The following RECQL4 variants were observed in gnomAD, a reference collection of about 807,000 sequenced individuals.
The protein encoded by RECQL4 is RecQ like helicase 4.
Under a neutral mutation model 128.6 loss-of-function variants are expected in RECQL4, and 158 were observed. The ratio of observed to expected loss-of-function variants is 1.23; its 90% CI spans 1.08 to 1.40. The LOEUF (loss-of-function observed/expected upper bound fraction) is 1.40, where lower values mean the gene tolerates loss of function less well. RECQL4 is among the 40% of genes most tolerant of loss of function. The probability of loss-of-function intolerance (pLI) is 0.00; values close to 1 mark genes in which losing one functional copy is unlikely to be tolerated. For synonymous variants in RECQL4, 996 were observed against 678.9 expected (o/e 1.47, Z -7.26); for missense variants, 2,293 against 1,649.8 (o/e 1.39, Z -6.75).
At chr8:144,512,597 C>T (rs1204516136) in intron 16 of RECQL4, 36 bp from the exon 17 acceptor site, 1 of 1,612,050 alleles carries the variant, frequency 6.2e-7, no homozygotes, top group Non-Finnish European at 8.5e-7. Context: ...TGGCCAACAG[C>T]CCTGATTCTC....
At position 144,513,326 on chromosome 8, in the gene RECQL4, A is replaced by G. The variant is rs1554898259; in HGVS notation, c.2355T>C (p.Ala785=). The G allele has an allele frequency of 1.9e-6, 3 of 1,603,076 alleles. No homozygotes were observed. Among genetic ancestry groups the G allele is most frequent in the Non-Finnish European group, 1.7e-6 (2 of 1,179,562 alleles). ...TTGGGGGCAGCCCCAGATGCAGCAC[A>G]GCCCGCACATCTGGCCGGTCCAGCC... ...GMGLDRPDVR[A]VLHLGLPPSF... The change falls in exon 14 of 21, where the codon GCT becomes GCC. Residue 785 remains alanine, a synonymous_variant. Transcript: ENST00000617875.
rs751163976 is a variant in RECQL4, at chr8:144,516,189, G to A, written c.930C>T (p.Pro310=). The change falls in exon 5 of 21, where the codon CCC becomes CCT. Residue 310 remains proline, a synonymous_variant. Coordinates refer to ENST00000617875, the MANE Select transcript of RECQL4 (RefSeq NM_004260.4). Reference sequence around the variant, plus strand: ...ACCTGGGGTTCGATGGGCTGCTGCAGGGCTGAGGTGGCTGTGCCTGTACAG... The same window carrying A: ...ACCTGGGGTTCGATGGGCTGCTGCAAGGCTGAGGTGGCTGTGCCTGTACAG... ...GEPVQAQPPQ[P]CSSPSNPRYH... is the part of the protein sequence containing the mutation. 4 of 1,613,440 alleles carry A rather than the reference G, an allele frequency of 2.5e-6. No homozygotes were observed. Among genetic ancestry groups the A allele is most frequent in the Non-Finnish European group, 2.5e-6 (3 of 1,179,862 alleles).
In RECQL4 at chr8:144,514,927, T is replaced by C. The variant is rs779520713; in HGVS notation, c.1620+9A>G. ...CTGTGTACGTGTGCCCAGGGCCCTG[T>C]GTGCACACCTGGTCATCCATGAGTG... On this transcript the variant is annotated intron_variant, in intron 9 of 20. Transcript: ENST00000617875. 12 of 1,610,428 alleles carry C rather than the reference T, an allele frequency of 7.5e-6. No individual in the cohort carries two copies. Among genetic ancestry groups the C allele is most frequent in the South Asian group, 1.1e-5 (1 of 90,800 alleles).
rs1025554986 is a variant in RECQL4, at chr8:144,517,258, C to A, written c.214-68G>T. 7.2e-6 allele frequency: 11 copies of A among 1,525,384 alleles called. No homozygotes were observed. In the African/African-American group the frequency reaches 1.5e-4, roughly 21 times the overall value. 94.5% of individuals were successfully genotyped at this position (1,525,384 alleles called of 1,614,324 possible). ...GGCGGCAGAAGCGCTCCCAGCCACCCCTCCCGCACCTGGAGCGAGGCCCGG... is the reference window on the plus strand; with the variant it reads ...GGCGGCAGAAGCGCTCCCAGCCACCACTCCCGCACCTGGAGCGAGGCCCGG... On this transcript the variant is annotated intron_variant, in intron 3 of 20. Coordinates refer to ENST00000617875, the MANE Select transcript of RECQL4 (RefSeq NM_004260.4).
At position 144,512,716 on chromosome 8, in the gene RECQL4, C is replaced by T. The variant is rs368178215; in HGVS notation, c.2811G>A (p.Leu937=). 7 of 1,611,996 alleles carry T rather than the reference C, an allele frequency of 4.3e-6. No homozygotes were observed. The South Asian group carries it at 4.4e-5, about 10-fold the overall frequency. The part of the protein sequence containing the change: ...LELHPHHWLE[L]LATTYTHCRL... Reference sequence around the variant, plus strand: ...GGCAATGGGTATAGGTGGTCGCCAGCAGCTCCAGCCAGTGGTGTGGGTGCA... The same window carrying T: ...GGCAATGGGTATAGGTGGTCGCCAGTAGCTCCAGCCAGTGGTGTGGGTGCA... The change falls in exon 16 of 21, where the codon CTG becomes CTA. Residue 937 remains leucine (L), a synonymous_variant. Transcript: ENST00000617875.
Position 144,513,601 on chromosome 8 carries a change from G to A in RECQL4, c.2170C>T (p.Leu724=), listed in dbSNP as rs536831548. 2 of 1,608,374 alleles carry A rather than the reference G, an allele frequency of 1.2e-6. No individual in the cohort carries two copies. The stretch of plus-strand genomic sequence containing the variant: ...GACCCTGGGACCCAGGCTGCGTGCA[G>A]GCAGGTTCGGAGGAGCGCAGCGATC... ...ERIAALLRTC[L]HAAWVPGSGG... is the part of the protein sequence containing the mutation. The change falls in exon 13 of 21, where the codon CTG becomes TTG. Residue 724 remains leucine (L), a synonymous_variant. Transcript: ENST00000617875.
At chr8:144,513,787 T>C (rs1827718789) in intron 12 of RECQL4, 75 bp from the exon 13 acceptor site, 1 of 628,242 alleles carries the variant, frequency 1.6e-6, no homozygotes, top group African/African-American at 6.4e-5. Context: ...TGAGGAGGGG[T>C]CGGCGTGGGG....
rs1060504217 is a variant in RECQL4 at position 144,513,401 on chromosome 8, G to A, written c.2280C>T (p.Phe760=). The A allele has an allele frequency of 2.5e-6, 4 of 1,608,614 alleles. No individual in the cohort carries two copies. The highest frequency in any genetic ancestry group is 2.5e-6 in the Non-Finnish European group (3 of 1,179,722). The change falls in exon 14 of 21, where the codon TTC becomes TTT. Residue 760 remains phenylalanine (F), a synonymous_variant. Coordinates refer to ENST00000617875, the MANE Select transcript of RECQL4 (RefSeq NM_004260.4). ...SRERRRVQRA[F]MQGQLRVVVA... is the part of the protein sequence containing the mutation. ...CCACCACCCGCAACTGGCCCTGCAT[G>A]AAGGCTCGCTGTACCCGCCGCCGTT...
intron 12 of RECQL4, 67 bp from the exon 13 acceptor site, chr8:144,513,779 A>T: frequency 9.2e-7 from 1 of 1,088,058 alleles, no homozygotes; most frequent in Non-Finnish European, 1.2e-6. Context: ...GTGGGGAGTG[A>T]GGAGGGGTCG....
Position 144,517,411 on chromosome 8 carries a change from T to TACC in RECQL4, c.213_213+2dup, listed in dbSNP as rs1815339349. 4 of 1,566,702 alleles carry TACC rather than the reference T, an allele frequency of 2.6e-6. No homozygotes were observed. Among genetic ancestry groups the TACC allele is most frequent in the Non-Finnish European group, 3.4e-6 (4 of 1,161,990 alleles). On this transcript the variant is annotated splice_region_variant and intron_variant, in intron 3 of 20. Coordinates refer to ENST00000617875, the MANE Select transcript of RECQL4 (RefSeq NM_004260.4). ...GGAGGCTGGGGCGGCGGGGCCTGGG[T>TACC]ACCTCTTCGGCCGCCGCGGGGAGCG...
In RECQL4 at chr8:144,511,398, C is replaced by T. The variant is rs377112630; in HGVS notation, c.*33G>A. 1 of 1,604,310 alleles carries T rather than the reference C, an allele frequency of 6.2e-7. No homozygotes were observed. On this transcript the variant is annotated 3_prime_UTR_variant, in exon 21 of 21. Coordinates refer to ENST00000617875, the MANE Select transcript of RECQL4 (RefSeq NM_004260.4). ...TCACTGCCCTAGCCTCTGACAACCC[C>T]AGCTCTACCCGACATCCCCCAATGC... is the stretch of plus-strand genomic sequence containing the variant.
At chr8:144,511,638 C>T in intron 20 of RECQL4, 43 bp downstream of exon 20, 2 of 1,608,178 alleles carry the variant, frequency 1.2e-6, no homozygotes, top group Non-Finnish European at 1.7e-6. Context: ...CTGCCCCAGC[C>T]CCCAGCCCCA....
rs1233225826 is a variant in RECQL4 at position 144,515,686 on chromosome 8, A to G, written c.1258+78T>C. 2.6e-6 allele frequency: 4 copies of G among 1,555,348 alleles called. No individual in the cohort carries two copies. The African/African-American group carries it at 5.4e-5, about 21-fold the overall frequency. ...GTACCTGGAAGGCCTGTTGCTTGGA[A>G]CATAAGTGTCCCCCAAAAGAGCACT... On this transcript the variant is annotated intron_variant, in intron 6 of 20. Transcript: ENST00000617875.
rs2130647931 is a variant in RECQL4 at position 144,511,447 on chromosome 8, A to T, written c.3611T>A (p.Leu1204Gln). The T allele has an allele frequency of 6.2e-7, 1 of 1,612,476 alleles. No homozygotes were observed. The highest frequency in any genetic ancestry group is 8.5e-7 in the Non-Finnish European group (1 of 1,179,706). The change falls in exon 21 of 21, where the codon CTG (leucine) becomes CAG (glutamine). Residue 1204 changes from leucine (L) to glutamine (Q), a missense_variant. Coordinates refer to ENST00000617875, the MANE Select transcript of RECQL4 (RefSeq NM_004260.4). Reference sequence around the variant, plus strand: ...GCAGTGCAGTCAGCGGGCCACCTGCAGGAGCTCTTCCGTGGCCAGGCCCAC... The same window carrying T: ...GCAGTGCAGTCAGCGGGCCACCTGCTGGAGCTCTTCCGTGGCCAGGCCCAC... ...ALVGLATEEL[L>Q]QVAR
At position 144,511,901 on chromosome 8, in the gene RECQL4, C is replaced by A; in HGVS notation, c.3393+10G>T. ...AACCCCGATGAGCTGCCTGGCCTTA[C>A]TGCACTCACTCTGGCCTGCCCTGGC... On this transcript the variant is annotated intron_variant, in intron 19 of 20. Coordinates refer to ENST00000617875, the MANE Select transcript of RECQL4 (RefSeq NM_004260.4). The A allele has an allele frequency of 6.2e-7, 1 of 1,610,506 alleles. No individual in the cohort carries two copies. The highest frequency in any genetic ancestry group is 1.1e-5 in the South Asian group (1 of 91,076).
chr8:144,513,262 G>C lies in RECQL4; in HGVS notation c.2419C>G (p.Arg807Gly), dbSNP rs764549158. The C allele has an allele frequency of 6.3e-7, 1 of 1,591,974 alleles. No individual in the cohort carries two copies. The highest frequency in any genetic ancestry group is 1.7e-5 in the Admixed American group (1 of 59,472). Reference protein sequence around the residue: ...SYVQAVGRAGRDGQPAHCHLF... With the variant: ...SYVQAVGRAGGDGQPAHCHLF... Reference sequence around the variant, plus strand: ...TGGCAGTGGGCAGGCTGCCCGTCACGCCCGGCCCGGCCCACGGCCTGCACG... The same window carrying C: ...TGGCAGTGGGCAGGCTGCCCGTCACCCCCGGCCCGGCCCACGGCCTGCACG... Residue 807 changes from arginine to glycine, a missense_variant, in exon 14 of 21, where the codon CGT becomes GGT. Transcript: ENST00000617875.
Position 144,513,293 on chromosome 8 carries a change from C to G in RECQL4, c.2388G>C (p.Glu796Asp). The change falls in exon 14 of 21, where the codon GAG becomes GAC. Residue 796 changes from glutamate to aspartate, a missense_variant. Coordinates refer to ENST00000617875, the MANE Select transcript of RECQL4 (RefSeq NM_004260.4). ...CCCGGCCCACGGCCTGCACGTAGCT[C>G]TCGAAGCTTGGGGGCAGCCCCAGAT... is the stretch of plus-strand genomic sequence containing the variant. ...VLHLGLPPSF[E>D]SYVQAVGRAG... The G allele has an allele frequency of 6.3e-7, 1 of 1,599,638 alleles. No individual in the cohort carries two copies. The highest frequency in any genetic ancestry group is 8.5e-7 in the Non-Finnish European group (1 of 1,179,208).
chr8:144,517,373 C>T (rs762323566), intron 3 of RECQL4, 41 bp downstream of exon 3: 219 of 1,526,306 alleles, frequency 1.4e-4, no homozygotes, highest in Non-Finnish European at 1.9e-4. Context: ...CTCCGCCAAA[C>T]AGGGAAGTGG....
rs1246094808 is a variant in RECQL4, at chr8:144,515,819, C to T, written c.1203G>A (p.Glu401=). Residue 401 remains glutamate (E), a synonymous_variant, in exon 6 of 21, where the codon GAG becomes GAA. Transcript: ENST00000617875. ...CGAACTGCTCGTTCAGGAAACAAGA[C>T]TCCTTGGTTGTGACTGTGGCACCAC... ...GGGGATVTTK[E]SCFLNEQFDH... 6.2e-7 allele frequency: 1 copy of T among 1,612,900 alleles called. No individual in the cohort carries two copies. The highest frequency in any genetic ancestry group is 8.5e-7 in the Non-Finnish European group (1 of 1,179,794).
Sources: gnomAD v4.1 joint callset for allele counts on GRCh38, gnomAD v4.1.1 for gene constraint, MANE v1.5 for transcripts, NCBI Gene and HGNC (gene_info 2026-07-23, HGNC 2026-07-21) for gene names.